Variants in PTGER3 observed in about 807,000 individuals in gnomAD.
PTGER3 encodes the protein prostaglandin E receptor 3, also known as prostaglandin E2 receptor EP3 subtype.
Under a neutral mutation model 34.7 loss-of-function variants are expected in PTGER3, and 22 were observed. The observed-to-expected ratio is 0.63, with a 90% confidence interval of 0.45 to 0.91. The LOEUF is 0.91. Among genes scored for constraint, PTGER3 ranks in the 40% least tolerant of loss-of-function variants. The probability of loss-of-function intolerance (pLI) is 0.00; values close to 1 mark genes in which losing one functional copy is unlikely to be tolerated. For missense variants in PTGER3, 468 were observed against 519.4 expected (o/e 0.90, Z 0.96); for synonymous variants, 241 against 230.1 (o/e 1.05, Z -0.43).
At chr1:70,994,586 T>C (rs1245646281) in intron 2 of PTGER3, among the ~76,000 whole-genome samples, 1 of 151,712 alleles carries the variant, frequency 6.6e-6, no homozygotes, top group Non-Finnish European at 1.5e-5. Context: ...GCCTCCGGAG[T>C]AGCTGGGAGT....
At chr1:70,923,021 T>C (rs1165715353) in intron 4 of PTGER3, among the ~76,000 whole-genome samples, 2 of 152,172 alleles carry the variant, frequency 1.3e-5, no homozygotes, top group Non-Finnish European at 2.9e-5. Flanking sequence ...TAAAGGCTTA[T>C]AAAAGGTTTA....
intron 2 of PTGER3, among the ~76,000 whole-genome samples, chr1:70,996,038 CAA>C (rs948071721): frequency 1.3e-5 from 2 of 152,088 alleles, no homozygotes; most frequent in African/African-American, 4.8e-5. Context: ...AACCATACTT[CAA>C]ATTTATGTCT....
intron 1 of PTGER3, among the ~76,000 whole-genome samples, chr1:71,042,333 C>T (rs2100998263): frequency 6.6e-6 from 1 of 150,950 alleles, no homozygotes; most frequent in African/African-American, 2.4e-5. Context: ...GAGGTTATGC[C>T]AATTCATCTT....
intron 2 of PTGER3, among the ~76,000 whole-genome samples, chr1:70,999,755 G>A (rs1310163840): frequency 6.6e-6 from 1 of 152,168 alleles, no homozygotes; most frequent in Admixed American, 6.5e-5. Context: ...AAAGCCAATA[G>A]GGCCAAAAGA....
Position 71,011,954 on chromosome 1 carries a change from A to T in PTGER3, c.1077+351T>A, listed in dbSNP as rs1489116587. 3 of 1,275,940 alleles carry T rather than the reference A, an allele frequency of 2.4e-6. No homozygotes were observed. In the African/African-American group the frequency reaches 4.5e-5, roughly 19 times the overall value. The allele number at this position is 1,275,940 out of a possible 1,614,324, so 79.0% of individuals were successfully genotyped here. On this transcript the variant is annotated intron_variant, in intron 2 of 3. Coordinates refer to ENST00000306666, the MANE Select transcript of PTGER3 (RefSeq NM_198719.2). Reference sequence around the variant, plus strand: ...AAGATCATTTATAAAAAATGTTTTCATCACATAATTAATCACATATTCAGC... The same window carrying T: ...AAGATCATTTATAAAAAATGTTTTCTTCACATAATTAATCACATATTCAGC...
At chr1:70,862,757 G>C (rs1268283220) in intron 4 of PTGER3, among the ~76,000 whole-genome samples, 1 of 152,096 alleles carries the variant, frequency 6.6e-6, no homozygotes, top group Non-Finnish European at 1.5e-5. Flanking sequence ...AGAAAGAAGG[G>C]AGTAAGAATG....
At chr1:70,857,728 G>T (rs1056170612) in intron 4 of PTGER3, among the ~76,000 whole-genome samples, 1 of 152,012 alleles carries the variant, frequency 6.6e-6, no homozygotes, top group African/African-American at 2.4e-5. Context: ...TAGAGACGGG[G>T]TTTCACTGTG....
At chr1:71,011,437 A>C (rs116874238) in intron 2 of PTGER3, 1 of 985,340 alleles carries the variant, frequency 1.0e-6, no homozygotes, top group East Asian at 1.1e-4. Flanking sequence ...TAGTGCTCAA[A>C]TCGGTCCTTA....
At chr1:70,981,384 TTTCTTTCTTTCC>T (rs1320792947) in intron 2 of PTGER3, among the ~76,000 whole-genome samples, 944 of 47,918 alleles carry the variant, frequency 0.02, 2 homozygotes, top group South Asian at 0.029. Context: ...TCTTTCTTTC[TTTCTTTCTTTCC>T]TTCCTTCCTT....
chr1:70,978,348 A>T (rs2100709390), intron 2 of PTGER3, among the ~76,000 whole-genome samples: 1 of 152,294 alleles, frequency 6.6e-6, no homozygotes, highest in East Asian at 1.9e-4. Flanking sequence ...ATGAAACTTC[A>T]TTAAGCTGGA....
intron 4 of PTGER3, among the ~76,000 whole-genome samples, chr1:70,857,400 A>T (rs2100453104): frequency 6.6e-6 from 1 of 152,180 alleles, no homozygotes; most frequent in South Asian, 2.1e-4. Flanking sequence ...ATCCACTGTC[A>T]TTCAAATTTT....
intron 4 of PTGER3, among the ~76,000 whole-genome samples, chr1:70,936,800 G>T (rs1649274336): frequency 6.6e-6 from 1 of 152,132 alleles, no homozygotes; most frequent in Admixed American, 6.6e-5. Flanking sequence ...CACTCCCCAA[G>T]TATATCTACT....
At chr1:70,950,022 A>C (rs1026606457), downstream of PTGER3, among the ~76,000 whole-genome samples, 2 of 152,152 alleles carry the variant, frequency 1.3e-5, no homozygotes, top group African/African-American at 4.8e-5. Context: ...CCAGAGGCAA[A>C]TTCCCAGCAC....
At chr1:70,990,466 A>G (rs1655365592) in intron 2 of PTGER3, among the ~76,000 whole-genome samples, 1 of 149,354 alleles carries the variant, frequency 6.7e-6, no homozygotes, top group Non-Finnish European at 1.5e-5. Context: ...TATATTATAC[A>G]TATATATACA....
intron 4 of PTGER3, among the ~76,000 whole-genome samples, chr1:70,915,454 A>T (rs939152697): frequency 5.9e-5 from 9 of 151,984 alleles, no homozygotes; most frequent in African/African-American, 2.2e-4. Context: ...CTGAGAAAGA[A>T]GAGACGAGGT....
intron 1 of PTGER3, among the ~76,000 whole-genome samples, chr1:71,014,459 G>T (rs1161445717): frequency 6.6e-6 from 1 of 152,146 alleles, no homozygotes; most frequent in African/African-American, 2.4e-5. Context: ...GTACATGTAC[G>T]GACTGAATGT....
chr1:70,893,941 C>T (rs997814772), intron 4 of PTGER3, among the ~76,000 whole-genome samples: 3 of 152,098 alleles, frequency 2.0e-5, no homozygotes, highest in African/African-American at 7.2e-5. Flanking sequence ...CACATAACAG[C>T]CTTATTACAA....
chr1:70,901,225 C>T (rs566331758), intron 4 of PTGER3, among the ~76,000 whole-genome samples: 4 of 152,234 alleles, frequency 2.6e-5, no homozygotes, highest in Non-Finnish European at 4.4e-5. Context: ...TGTCTTGTTC[C>T]GCAAATGCTC....
chr1:70,926,663 A>G (rs1194515466), intron 4 of PTGER3, among the ~76,000 whole-genome samples: 3 of 151,960 alleles, frequency 2.0e-5, no homozygotes, highest in African/African-American at 7.3e-5. Flanking sequence ...CTAATTGAAT[A>G]CGCTTTATTT....
Sources: allele counts gnomAD v4.1 joint callset (sites outside exome capture counted in the v4.1 genomes callset), GRCh38; gene constraint gnomAD v4.1.1; transcripts MANE v1.5; gene names NCBI Gene and HGNC (gene_info 2026-07-23, HGNC 2026-07-21).